KCNIP1: variants seen among roughly 807,000 people sequenced by gnomAD.
The protein encoded by KCNIP1 is A-type potassium channel modulatory protein KCNIP1.
A neutral mutation model predicts 33.0 loss-of-function variants in KCNIP1; 18 were observed. The ratio of observed to expected loss-of-function variants is 0.55; its 90% CI spans 0.38 to 0.81. The LOEUF (loss-of-function observed/expected upper bound fraction) is 0.81, where lower values mean the gene tolerates loss of function less well. KCNIP1 is among the 30% of genes least tolerant of loss of function. The pLI is 0.00. For synonymous variants in KCNIP1, 93 were observed against 98.3 expected, an observed-to-expected ratio of 0.95 and a Z score of 0.32; for missense variants, 238 against 271.6, an observed-to-expected ratio of 0.88 and a Z score of 0.87.
chr5:170,544,875 C>T (rs941401686), intron 1 of KCNIP1, among the ~76,000 whole-genome samples: 2 of 152,166 alleles, frequency 1.3e-5, no homozygotes, highest in African/African-American at 4.8e-5. Context: ...AAACATTTTA[C>T]TTCTGCATAG....
intron 1 of KCNIP1, among the ~76,000 whole-genome samples, chr5:170,617,646 C>A (rs1420980580): frequency 6.6e-6 from 1 of 152,226 alleles, no homozygotes; most frequent in African/African-American, 2.4e-5. Flanking sequence ...AAAGCACCAT[C>A]TGCTCTTAAA....
chr5:170,735,625 A>G, intron 7 of KCNIP1, 134 bp from the exon 8 acceptor site: 1 of 708,850 alleles, frequency 1.4e-6, no homozygotes, highest in Non-Finnish European at 2.5e-6. Context: ...CCCCACCCTT[A>G]CTTCTTGTTT....
chr5:170,647,226 T>C (rs555111991), intron 1 of KCNIP1, among the ~76,000 whole-genome samples: 65 of 152,304 alleles, frequency 4.3e-4, no homozygotes, highest in Non-Finnish European at 8.1e-4. Context: ...CCAAAATTAT[T>C]GGTTATTAGC....
chr5:170,497,587 A>G (rs1287298621), intron 1 of KCNIP1, among the ~76,000 whole-genome samples: 1 of 152,212 alleles, frequency 6.6e-6, no homozygotes, highest in African/African-American at 2.4e-5. Flanking sequence ...GTTTGTTAGA[A>G]CATATTTGAA....
chr5:170,394,270 C>T (rs561353012), intron 1 of KCNIP1, among the ~76,000 whole-genome samples: 2 of 152,294 alleles, frequency 1.3e-5, no homozygotes, highest in African/African-American at 4.8e-5. Flanking sequence ...GCTGGGAGCA[C>T]CGCATGCCTC....
chr5:170,677,861 T>A (rs1175069183), intron 1 of KCNIP1, among the ~76,000 whole-genome samples: 1 of 152,108 alleles, frequency 6.6e-6, no homozygotes, highest in Admixed American at 6.5e-5. Flanking sequence ...TGATAAGGAA[T>A]TGAAGAGGAC....
intron 1 of KCNIP1, among the ~76,000 whole-genome samples, chr5:170,564,280 A>G (rs1047542845): frequency 1.3e-5 from 2 of 152,158 alleles, no homozygotes; most frequent in African/African-American, 4.8e-5. Flanking sequence ...AGTGTTCACA[A>G]ATTATAGCTT....
At chr5:170,665,527 G>A (rs1053962985) in intron 1 of KCNIP1, among the ~76,000 whole-genome samples, 6 of 152,196 alleles carry the variant, frequency 3.9e-5, no homozygotes, top group Non-Finnish European at 8.8e-5. Context: ...TTCAAAGATA[G>A]TAAGAGAGTT....
At chr5:170,383,263 C>T (rs549884498) in intron 1 of KCNIP1, 55 of 348,444 alleles carry the variant, frequency 1.6e-4, no homozygotes, top group African/African-American at 1.0e-3. Flanking sequence ...TGGCCCTGGG[C>T]CTGGTCCCTC....
chr5:170,541,981 A>G (rs1174696418), intron 1 of KCNIP1, among the ~76,000 whole-genome samples: 1 of 152,226 alleles, frequency 6.6e-6, no homozygotes, highest in East Asian at 1.9e-4. Context: ...TCGTAGTAAT[A>G]TCATCTACAG....
chr5:170,487,449 C>G (rs546172287), intron 1 of KCNIP1, among the ~76,000 whole-genome samples: 1 of 152,060 alleles, frequency 6.6e-6, no homozygotes, highest in Admixed American at 6.5e-5. Context: ...TAAAATGAAC[C>G]CTTCTAAAGT....
At chr5:170,547,423 T>C (rs1756455530) in intron 1 of KCNIP1, among the ~76,000 whole-genome samples, 1 of 152,240 alleles carries the variant, frequency 6.6e-6, no homozygotes, top group South Asian at 2.1e-4. Context: ...TGCAGGTTTG[T>C]TGCATAGGTA....
chr5:170,568,927 C>T (rs1297612900), intron 1 of KCNIP1, among the ~76,000 whole-genome samples: 1 of 152,190 alleles, frequency 6.6e-6, no homozygotes, highest in Non-Finnish European at 1.5e-5. Context: ...TCATCTCCCA[C>T]ATTACCTCCT....
At chr5:170,530,181 A>T (rs1187336869) in intron 1 of KCNIP1, among the ~76,000 whole-genome samples, 1 of 151,656 alleles carries the variant, frequency 6.6e-6, no homozygotes, top group South Asian at 2.1e-4. Flanking sequence ...ATGGCTCATA[A>T]CATGTTTATT....
At chr5:170,364,891 T>C (rs1361771409) in intron 1 of KCNIP1, among the ~76,000 whole-genome samples, 1 of 152,200 alleles carries the variant, frequency 6.6e-6, no homozygotes, top group Non-Finnish European at 1.5e-5. Context: ...TAGTTACCTT[T>C]CTGTGTATGG....
At chr5:170,723,007 C>A (rs113292280) in intron 5 of KCNIP1, among the ~76,000 whole-genome samples, 187 bp downstream of exon 5, 1 of 152,244 alleles carries the variant, frequency 6.6e-6, no homozygotes, top group East Asian at 1.9e-4. Context: ...TGTTCCCAAG[C>A]GCCCAGAAAG....
intron 1 of KCNIP1, among the ~76,000 whole-genome samples, chr5:170,456,701 T>TCTCTTTCTTTCTTTCTTTCTTTCTTTC (rs1756385710): frequency 1.5e-5 from 2 of 135,680 alleles, no homozygotes; most frequent in African/African-American, 6.0e-5. Context: ...CTCTCTCTCT[T>TCTCTTTCTTTCTTTCTTTCTTTCTTTC]TTTCTTTCTT....
chr5:170,368,578 T>C (rs568834648), intron 1 of KCNIP1, among the ~76,000 whole-genome samples: 56 of 152,334 alleles, frequency 3.7e-4, no homozygotes, highest in African/African-American at 1.2e-3. Context: ...TTCTTCTTGA[T>C]GCTTCTCTGC....
chr5:170,362,138 A>G (rs922912481), intron 1 of KCNIP1, among the ~76,000 whole-genome samples: 6 of 152,156 alleles, frequency 3.9e-5, no homozygotes, highest in Admixed American at 6.5e-5. Context: ...CACATGAGAA[A>G]CCTAGGAGGT....
Sources: allele counts gnomAD v4.1 joint callset (sites outside exome capture counted in the v4.1 genomes callset), GRCh38; gene constraint gnomAD v4.1.1; transcripts MANE v1.5; gene names NCBI Gene and HGNC (gene_info 2026-07-23, HGNC 2026-07-21).